Variants in RAP1GDS1 observed in about 807,000 individuals in gnomAD.
The protein encoded by RAP1GDS1 is RAP1, GTP-GDP dissociation stimulator 1.
Under a neutral mutation model 71.1 loss-of-function variants are expected in RAP1GDS1, and 35 were observed. The observed-to-expected ratio is 0.49, with a 90% CI of 0.38 to 0.65. The LOEUF is 0.65. RAP1GDS1 is among the 30% of genes least tolerant of loss of function. The probability of loss-of-function intolerance (pLI) is 0.00; values close to 1 mark genes in which losing one functional copy is unlikely to be tolerated. For synonymous variants in RAP1GDS1, 229 were observed against 243.1 expected, an observed-to-expected ratio of 0.94 and a Z score of 0.54; for missense variants, 663 against 706.1, an observed-to-expected ratio of 0.94 and a Z score of 0.69.
chr4:98,354,792 A>G (rs1351063734), intron 4 of RAP1GDS1, among the ~76,000 whole-genome samples: 1 of 152,164 alleles, frequency 6.6e-6, no homozygotes, highest in African/African-American at 2.4e-5. Flanking sequence ...TAAATGATTA[A>G]GCATAGTAAA....
intron 1 of RAP1GDS1, among the ~76,000 whole-genome samples, chr4:98,286,264 CAAA>C (rs752872418): frequency 2.9e-5 from 3 of 102,738 alleles, no homozygotes; most frequent in African/African-American, 3.6e-5. Context: ...GACCCTGTCT[CAAA>C]AAAAAAAAAA....
intron 1 of RAP1GDS1, among the ~76,000 whole-genome samples, chr4:98,264,249 A>C (rs1722411750): frequency 2.0e-5 from 3 of 152,118 alleles, no homozygotes; most frequent in Admixed American, 2.0e-4. Context: ...AAAAACAATT[A>C]GCCGGGTGTG....
chr4:98,293,199 A>T (rs1182027000), intron 1 of RAP1GDS1, among the ~76,000 whole-genome samples: 5 of 152,202 alleles, frequency 3.3e-5, no homozygotes, highest in Admixed American at 6.6e-5. Context: ...TACACATAGC[A>T]GAATGAATAT....
At chr4:98,323,813 A>C (rs1447059162) in intron 2 of RAP1GDS1, among the ~76,000 whole-genome samples, 21 of 151,238 alleles carry the variant, frequency 1.4e-4, no homozygotes, top group East Asian at 3.9e-4. Flanking sequence ...CACAGCCAAT[A>C]TCATACTGAA....
intron 12 of RAP1GDS1, among the ~76,000 whole-genome samples, chr4:98,425,144 A>G (rs1041323669): frequency 6.6e-6 from 1 of 152,216 alleles, no homozygotes; most frequent in Admixed American, 6.5e-5. Context: ...ACTAAGCTTC[A>G]TAAATGAAGG....
chr4:98,416,978 T>G, intron 8 of RAP1GDS1, 90 bp downstream of exon 8: 1 of 1,395,470 alleles, frequency 7.2e-7, no homozygotes. Context: ...CCTAGACATT[T>G]TCTCATATTC....
intron 12 of RAP1GDS1, among the ~76,000 whole-genome samples, chr4:98,431,553 C>T (rs1363268390): frequency 6.6e-6 from 1 of 152,164 alleles, no homozygotes; most frequent in Non-Finnish European, 1.5e-5. Flanking sequence ...TAAAGCATCT[C>T]CAGAATTTTT....
At chr4:98,269,474 G>A (rs775159105) in intron 1 of RAP1GDS1, among the ~76,000 whole-genome samples, 146 of 151,968 alleles carry the variant, frequency 9.6e-4, no homozygotes, top group Non-Finnish European at 3.7e-4. Flanking sequence ...TAAACAAATG[G>A]GACTTCATCA....
chr4:98,391,333 T>C (rs1323751808), intron 5 of RAP1GDS1, among the ~76,000 whole-genome samples: 1 of 152,142 alleles, frequency 6.6e-6, no homozygotes, highest in African/African-American at 2.4e-5. Context: ...TGAGATGATC[T>C]GTCACTATAA....
intron 2 of RAP1GDS1, among the ~76,000 whole-genome samples, chr4:98,307,529 T>C: frequency 6.6e-6 from 1 of 152,264 alleles, no homozygotes; most frequent in East Asian, 1.9e-4. Context: ...TCTTCTCTTA[T>C]TCTAATCTTC....
chr4:98,441,070 A>T (rs925268006), intron 14 of RAP1GDS1, among the ~76,000 whole-genome samples: 1 of 152,246 alleles, frequency 6.6e-6, no homozygotes, highest in East Asian at 1.9e-4. Flanking sequence ...ATCAGTTAGT[A>T]TGAGAACTCC....
At chr4:98,276,593 A>G (rs1724237416) in intron 1 of RAP1GDS1, among the ~76,000 whole-genome samples, 1 of 146,702 alleles carries the variant, frequency 6.8e-6, no homozygotes, top group South Asian at 2.2e-4. Flanking sequence ...TCATTTTGTT[A>G]CTTTGAATAA....
At chr4:98,435,824 C>G (rs981361912) in intron 13 of RAP1GDS1, among the ~76,000 whole-genome samples, 10 of 151,284 alleles carry the variant, frequency 6.6e-5, no homozygotes, top group Admixed American at 1.3e-4. Flanking sequence ...GTAATCCCAG[C>G]ACTTTGGGAG....
intron 2 of RAP1GDS1, among the ~76,000 whole-genome samples, chr4:98,313,196 C>T (rs6831497): frequency 0.067 from 10,023 of 150,300 alleles, 371 homozygotes; most frequent in Admixed American, 0.13. Context: ...CAGTTCAACT[C>T]TGAAGACTGT....
At chr4:98,418,539 A>AT in intron 9 of RAP1GDS1, 118 bp from the exon 10 acceptor site, 1 of 932,680 alleles carries the variant, frequency 1.1e-6, no homozygotes, top group Non-Finnish European at 1.4e-6. Context: ...AAGATTTGGA[A>AT]TTCATTTTAT....
chr4:98,354,070 T>C (rs1431649804), intron 4 of RAP1GDS1, among the ~76,000 whole-genome samples: 1 of 150,404 alleles, frequency 6.6e-6, no homozygotes, highest in Non-Finnish European at 1.5e-5. Flanking sequence ...TTTTTTTTTT[T>C]TTTGAGACGG....
chr4:98,264,697 A>G (rs1722496191), intron 1 of RAP1GDS1, among the ~76,000 whole-genome samples: 1 of 152,184 alleles, frequency 6.6e-6, no homozygotes. Context: ...ACCTTTACAT[A>G]TATTATAGAT....
At chr4:98,379,258 C>A in intron 5 of RAP1GDS1, 95 bp downstream of exon 5, 3 of 1,178,868 alleles carry the variant, frequency 2.5e-6, no homozygotes, top group South Asian at 2.7e-5. Flanking sequence ...AAATGATGAA[C>A]AAAGAATTCG....
At chr4:98,409,703 T>G in intron 7 of RAP1GDS1, 3 of 444,176 alleles carry the variant, frequency 6.8e-6, no homozygotes, top group Non-Finnish European at 1.4e-5. Context: ...GCGCACTTTG[T>G]GAGAACAAAC....
Sources: gnomAD v4.1 joint callset for allele counts (sites outside exome capture counted in the v4.1 genomes callset) on GRCh38, gnomAD v4.1.1 for gene constraint, MANE v1.5 for transcripts, NCBI Gene and HGNC (gene_info 2026-07-23, HGNC 2026-07-21) for gene names.